EWSR1: variants seen among roughly 807,000 people sequenced by gnomAD.
EWSR1 encodes RNA-binding protein EWS.
Under a neutral mutation model 92.1 loss-of-function variants are expected in EWSR1, and 14 were observed. The observed-to-expected ratio is 0.15, with a 90% CI of 0.10 to 0.24. The LOEUF (loss-of-function observed/expected upper bound fraction) is 0.24. EWSR1 is among the 10% of genes least tolerant of loss of function. The pLI, the probability that EWSR1 is intolerant of heterozygous loss-of-function variation, is 1.00. For synonymous variants in EWSR1, 303 were observed against 292.9 expected (o/e 1.03, Z -0.35); for missense variants, 637 against 870.9 (o/e 0.73, Z 3.38).
chr22:29,272,053 T>C (rs972842432), intron 1 of EWSR1, among the ~76,000 whole-genome samples, 163 bp from the exon 2 acceptor site: 2 of 152,204 alleles, frequency 1.3e-5, no homozygotes, highest in Non-Finnish European at 2.9e-5. Flanking sequence ...GACTTTTTTT[T>C]CTGTTAGATG....
At chr22:29,284,749 T>C (rs1182764098) in intron 6 of EWSR1, among the ~76,000 whole-genome samples, 1 of 151,352 alleles carries the variant, frequency 6.6e-6, no homozygotes, top group Non-Finnish European at 1.5e-5. Flanking sequence ...CTTTAAAATA[T>C]GTGTCCTTAC....
intron 7 of EWSR1, 43 bp downstream of exon 7, chr22:29,287,177 T>G (rs761231681): frequency 6.3e-7 from 1 of 1,577,664 alleles, no homozygotes; most frequent in African/African-American, 1.4e-5. Flanking sequence ...TGAATGTGTT[T>G]AGAGTTTTTT....
intron 5 of EWSR1, among the ~76,000 whole-genome samples, chr22:29,281,662 G>C (rs1337154574): frequency 6.6e-6 from 1 of 151,912 alleles, no homozygotes; most frequent in East Asian, 1.9e-4. Flanking sequence ...CTCACTGCCA[G>C]CTCCGCCTCC....
In EWSR1 at chr22:29,298,652, T is replaced by G. The variant is rs530252230; in HGVS notation, c.1418-81T>G. ...AATGACAGCAGTAGTATCTGTGGGT[T>G]TACTTAGTGATTTTTATTTCCTATA... On this transcript the variant is annotated intron_variant, in intron 13 of 16. Transcript: ENST00000397938. 43 of 1,545,628 alleles carry G rather than the reference T, an allele frequency of 2.8e-5. No individual in the cohort carries two copies. In the East Asian group the frequency reaches 8.5e-4, roughly 31 times the overall value.
chr22:29,298,118 A>G (rs1270884100), intron 13 of EWSR1, among the ~76,000 whole-genome samples, 169 bp downstream of exon 13: 3 of 152,222 alleles, frequency 2.0e-5, no homozygotes, highest in Non-Finnish European at 1.5e-5. Flanking sequence ...AGAGAAGAAC[A>G]TGGGAGGCTG....
At chr22:29,286,011 G>A (rs746251563) in intron 6 of EWSR1, among the ~76,000 whole-genome samples, 28 of 151,952 alleles carry the variant, frequency 1.8e-4, no homozygotes, top group Non-Finnish European at 2.4e-4. Flanking sequence ...CTAATTTTTT[G>A]TATTTTTTAG....
intron 4 of EWSR1, among the ~76,000 whole-genome samples, chr22:29,275,113 A>C (rs1372890219): frequency 6.6e-6 from 1 of 152,196 alleles, no homozygotes; most frequent in African/African-American, 2.4e-5. Context: ...GTTTATCTAA[A>C]CTTTCTAGTG....
rs753775393 is a variant in EWSR1 at position 29,299,715 on chromosome 22, T to C, written c.1795T>C (p.Phe599Leu). 1 of 1,612,400 alleles carries C rather than the reference T, an allele frequency of 6.2e-7. No individual in the cohort carries two copies. The highest frequency in any genetic ancestry group is 8.5e-7 in the Non-Finnish European group (1 of 1,179,172). Reference sequence around the variant, plus strand: ...TGGCCGTGGTGGAGACAGAGGTGGCTTCCGTGGTGGCCGGGGCATGGACCG... The same window carrying C: ...TGGCCGTGGTGGAGACAGAGGTGGCCTCCGTGGTGGCCGGGGCATGGACCG... ...RGGRGGDRGGFRGGRGMDRGG... is the reference protein window; with the variant it reads ...RGGRGGDRGGLRGGRGMDRGG... Residue 599 changes from phenylalanine (F) to leucine (L), a missense_variant, in exon 16 of 17, where the codon TTC becomes CTC. Transcript: ENST00000397938.
intron 7 of EWSR1, among the ~76,000 whole-genome samples, chr22:29,287,534 A>G (rs981745744): frequency 1.3e-5 from 2 of 152,088 alleles, no homozygotes; most frequent in African/African-American, 4.8e-5. Flanking sequence ...AACAGGGGGA[A>G]TACTCTTTGC....
intron 1 of EWSR1, among the ~76,000 whole-genome samples, chr22:29,268,972 G>T (rs201156139): frequency 6.6e-6 from 1 of 152,200 alleles, no homozygotes; most frequent in South Asian, 2.1e-4. Flanking sequence ...CTGGGCTTTA[G>T]ACAGAATGTG....
intron 15 of EWSR1, 125 bp from the exon 16 acceptor site, chr22:29,299,474 C>T: frequency 6.7e-7 from 1 of 1,485,782 alleles, no homozygotes; most frequent in Non-Finnish European, 9.0e-7. Flanking sequence ...CAGCCCGATG[C>T]CGAGATTGAG....
chr22:29,279,022 A>G (rs909145244), intron 5 of EWSR1, among the ~76,000 whole-genome samples: 1 of 151,824 alleles, frequency 6.6e-6, no homozygotes, highest in Non-Finnish European at 1.5e-5. Flanking sequence ...AAATGGTGCT[A>G]TCGAAGGGTC....
In EWSR1 at chr22:29,297,884, T is replaced by A; in HGVS notation, c.1352T>A (p.Met451Lys). The A allele has an allele frequency of 6.2e-7, 1 of 1,614,026 alleles. No individual in the cohort carries two copies. The highest frequency in any genetic ancestry group is 8.5e-7 in the Non-Finnish European group (1 of 1,179,992). ...KVSLARKKPPMNSMRGGLPPR... is the reference protein window; with the variant it reads ...KVSLARKKPPKNSMRGGLPPR... ...TCCCTTGCTCGGAAGAAGCCTCCAATGAACAGTATGCGGGGTGGTCTGCCA... is the reference window on the plus strand; with the variant it reads ...TCCCTTGCTCGGAAGAAGCCTCCAAAGAACAGTATGCGGGGTGGTCTGCCA... Residue 451 changes from methionine to lysine, a missense_variant, in exon 13 of 17, where the codon ATG becomes AAG. By Grantham distance (95) the Met-to-Lys change is moderately conservative (BLOSUM62 -1). Around this residue, in one of 5 missense-constraint regions of EWSR1, gnomAD observed 363 missense variants for 447.8 expected, o/e 0.81. Transcript: ENST00000397938.
intron 12 of EWSR1, among the ~76,000 whole-genome samples, chr22:29,297,205 G>A (rs1033162068): frequency 2.0e-5 from 3 of 152,112 alleles, no homozygotes; most frequent in Admixed American, 2.0e-4. Flanking sequence ...GGAGTGCAGT[G>A]ACACAAGCCA....
At chr22:29,286,219 C>G (rs1299345689) in intron 6 of EWSR1, among the ~76,000 whole-genome samples, 3 of 151,980 alleles carry the variant, frequency 2.0e-5, no homozygotes, top group Non-Finnish European at 4.4e-5. Flanking sequence ...TAGCGGATCT[C>G]AGCTCACTGC....
chr22:29,280,871 T>G (rs1368022765), intron 5 of EWSR1, among the ~76,000 whole-genome samples: 8 of 94,486 alleles, frequency 8.5e-5, no homozygotes, highest in African/African-American at 1.2e-4. Context: ...TGTTTTTTTT[T>G]TTTTTTTTTT....
At chr22:29,295,659 A>T in intron 11 of EWSR1, 1 of 223,414 alleles carries the variant, frequency 4.5e-6, no homozygotes, top group East Asian at 6.6e-5. Context: ...GACTAAACTG[A>T]TCGTGTGCAT....
chr22:29,284,719 C>G (rs1461927179), intron 6 of EWSR1, among the ~76,000 whole-genome samples: 3 of 151,308 alleles, frequency 2.0e-5, no homozygotes, highest in Non-Finnish European at 4.4e-5. Flanking sequence ...CCTCGAACTT[C>G]CTGGCCTAGT....
At chr22:29,281,287 T>A (rs1212929325) in intron 5 of EWSR1, among the ~76,000 whole-genome samples, 2 of 151,922 alleles carry the variant, frequency 1.3e-5, no homozygotes, top group Non-Finnish European at 2.9e-5. Context: ...AGTGCTGGGA[T>A]TATAGGCATG....
Sources: gnomAD v4.1 joint callset for allele counts (sites outside exome capture counted in the v4.1 genomes callset) on GRCh38, gnomAD v4.1.1 for gene constraint, gnomAD v4.1.1 regional missense constraint, MANE v1.5 for transcripts, NCBI Gene and HGNC (gene_info 2026-07-23, HGNC 2026-07-21) for gene names.